The following GRXCR1 variants were observed in gnomAD, a reference collection of about 807,000 sequenced individuals.
GRXCR1 encodes glutaredoxin domain-containing cysteine-rich protein 1.
Under a neutral mutation model 27.3 loss-of-function variants are expected in GRXCR1, and 27 were observed. The observed-to-expected ratio is 0.99, with a 90% CI of 0.73 to 1.37. The LOEUF (loss-of-function observed/expected upper bound fraction) is 1.37, where lower values mean the gene tolerates loss of function less well. Among genes scored for constraint, GRXCR1 ranks in the 40% most tolerant of loss-of-function variants. The pLI, the probability that GRXCR1 is intolerant of heterozygous loss-of-function variation, is 0.00. For missense variants in GRXCR1, 379 were observed against 354.4 expected (o/e 1.07, Z -0.56); for synonymous variants, 122 against 131.1 (o/e 0.93, Z 0.47).
rs748520585 is a variant in GRXCR1 at position 42,893,514 on chromosome 4, T to C, written c.248T>C (p.Leu83Ser). The C allele has an allele frequency of 1.2e-6, 2 of 1,613,808 alleles. No individual in the cohort carries two copies. The highest frequency in any genetic ancestry group is 1.7e-5 in the Admixed American group (1 of 59,970). The stretch of plus-strand genomic sequence containing the variant: ...AATGACCAGGATAGCTTGCTGGTGT[T>C]AGCAAGGGCTGCCAGTGAGAAGGGT... Reference protein sequence around the residue: ...NENDQDSLLVLARAASEKGFG... With the variant: ...NENDQDSLLVSARAASEKGFG... Residue 83 changes from leucine to serine, a missense_variant, in exon 1 of 4, where the codon TTA becomes TCA. Transcript: ENST00000399770.
At position 42,906,907 on chromosome 4, in the gene GRXCR1, G is replaced by T. The variant is rs1441343083; in HGVS notation, c.384+13257G>T. On this transcript the variant is annotated intron_variant, in intron 1 of 3. Transcript: ENST00000399770. ...CCCCGAATATTTTGGCTTTCATTTT[G>T]ATCTGCCATGTGAAATTCTTTTTAT... 3.3e-5 allele frequency among the ~76,000 whole-genome samples: 5 copies of T among 152,116 alleles called. 1 individual carries two copies. The South Asian group carries it at 6.2e-4, about 19-fold the overall frequency.
At chr4:42,966,677 G>A (rs1189810700) in intron 2 of GRXCR1, among the ~76,000 whole-genome samples, 1 of 152,086 alleles carries the variant, frequency 6.6e-6, no homozygotes, top group African/African-American at 2.4e-5. Context: ...TGATTCACCT[G>A]TTGCTCTGCA....
At chr4:43,028,253 T>G (rs1163527747) in intron 3 of GRXCR1, among the ~76,000 whole-genome samples, 1 of 152,242 alleles carries the variant, frequency 6.6e-6, no homozygotes, top group Non-Finnish European at 1.5e-5. Flanking sequence ...CACTTACATT[T>G]AAATATCAGA....
chr4:43,008,230 A>T (rs909955630), intron 2 of GRXCR1, among the ~76,000 whole-genome samples: 2 of 152,146 alleles, frequency 1.3e-5, no homozygotes, highest in Non-Finnish European at 2.9e-5. Flanking sequence ...GGCTAGCAAG[A>T]TAAATAGTCA....
intron 1 of GRXCR1, among the ~76,000 whole-genome samples, chr4:42,953,769 G>A (rs1747936511): frequency 6.6e-6 from 1 of 152,002 alleles, no homozygotes; most frequent in African/African-American, 2.4e-5. Flanking sequence ...AGCAATAATG[G>A]TGATAGTGCT....
chr4:42,997,153 GTT>G (rs1712192936), intron 2 of GRXCR1, among the ~76,000 whole-genome samples: 1 of 151,880 alleles, frequency 6.6e-6, no homozygotes, highest in Non-Finnish European at 1.5e-5. Flanking sequence ...ATATTAATAG[GTT>G]ATTACCCATA....
chr4:42,998,027 T>C (rs1311719968), intron 2 of GRXCR1, among the ~76,000 whole-genome samples: 4 of 152,188 alleles, frequency 2.6e-5, no homozygotes, highest in Non-Finnish European at 5.9e-5. Context: ...AAGCGTATAT[T>C]TCTTACTTTA....
intron 1 of GRXCR1, among the ~76,000 whole-genome samples, chr4:42,924,956 C>A (rs1228631543): frequency 6.6e-6 from 1 of 151,562 alleles, no homozygotes; most frequent in Non-Finnish European, 1.5e-5. Context: ...TCCCTGTAAA[C>A]AATATGCATT....
Position 42,990,864 on chromosome 4 carries a change from A to G in GRXCR1, c.627+27730A>G, listed in dbSNP as rs181984735. ...ATGCATATATGCGTACATAAATGCC[A>G]CACAGTTGTTAAATTACATCATAAT... is the stretch of plus-strand genomic sequence containing the variant. On this transcript the variant is annotated intron_variant, in intron 2 of 3. Transcript: ENST00000399770. Among the ~76,000 whole-genome samples the G allele has an allele frequency of 5.2e-4, 79 of 152,288 alleles. 4 individuals carry two copies. Among genetic ancestry groups the G allele is most frequent in the Admixed American group, 3.4e-3 (52 of 15,300 alleles).
chr4:43,014,949 C>A (rs1266531595), intron 2 of GRXCR1, among the ~76,000 whole-genome samples: 2 of 151,960 alleles, frequency 1.3e-5, no homozygotes, highest in African/African-American at 4.8e-5. Context: ...GATCTGAGAG[C>A]ACAAAGAAGG....
intron 2 of GRXCR1, among the ~76,000 whole-genome samples, chr4:42,991,361 A>G (rs1479697150): frequency 1.3e-5 from 2 of 151,868 alleles, no homozygotes; most frequent in Non-Finnish European, 2.9e-5. Context: ...TTTTTTTCTT[A>G]CCATTCTTAT....
chr4:42,915,049 C>T (rs1746854660), intron 1 of GRXCR1, among the ~76,000 whole-genome samples: 1 of 152,118 alleles, frequency 6.6e-6, no homozygotes, highest in African/African-American at 2.4e-5. Flanking sequence ...ATAAATTACT[C>T]AGTCTTGGGG....
intron 1 of GRXCR1, among the ~76,000 whole-genome samples, chr4:42,945,317 A>G (rs766639772): frequency 6.6e-6 from 1 of 152,150 alleles, no homozygotes; most frequent in Non-Finnish European, 1.5e-5. Flanking sequence ...ATGTAAAAAA[A>G]CCTCATAAAA....
At chr4:42,921,798 T>C (rs1256086772) in intron 1 of GRXCR1, among the ~76,000 whole-genome samples, 5 of 152,104 alleles carry the variant, frequency 3.3e-5, no homozygotes, top group Non-Finnish European at 7.4e-5. Flanking sequence ...CTTTTCTCTA[T>C]TGCTGACTTG....
chr4:42,983,195 C>T (rs1208666146), intron 2 of GRXCR1, among the ~76,000 whole-genome samples: 14 of 150,964 alleles, frequency 9.3e-5, no homozygotes, highest in African/African-American at 2.7e-4. Flanking sequence ...TTAGGTCTAA[C>T]GTTGAAGTCT....
intron 2 of GRXCR1, among the ~76,000 whole-genome samples, chr4:43,001,020 G>T (rs1258653424): frequency 6.6e-6 from 1 of 151,810 alleles, no homozygotes. Context: ...TCTACCTCCC[G>T]GGTTCAAGCA....
At chr4:42,941,134 T>C (rs1175948043) in intron 1 of GRXCR1, among the ~76,000 whole-genome samples, 1 of 151,986 alleles carries the variant, frequency 6.6e-6, no homozygotes, top group Non-Finnish European at 1.5e-5. Flanking sequence ...GAAAGAGGAA[T>C]TGTAACCATA....
intron 3 of GRXCR1, among the ~76,000 whole-genome samples, chr4:43,028,679 T>G (rs1318719764): frequency 6.6e-6 from 1 of 152,260 alleles, no homozygotes; most frequent in Non-Finnish European, 1.5e-5. Flanking sequence ...AAGTACACTA[T>G]TTTTCCATCA....
intron 2 of GRXCR1, among the ~76,000 whole-genome samples, chr4:43,011,037 C>T (rs1577944328): frequency 6.6e-6 from 1 of 152,122 alleles, no homozygotes; most frequent in Admixed American, 6.5e-5. Context: ...GATGTCAAAC[C>T]TGAATGTTGC....
Sources: allele counts gnomAD v4.1 joint callset (sites outside exome capture counted in the v4.1 genomes callset), GRCh38; gene constraint gnomAD v4.1.1; transcripts MANE v1.5; gene names NCBI Gene and HGNC (gene_info 2026-07-23, HGNC 2026-07-21).